Variants in SDC2 observed in about 807,000 individuals in gnomAD.
SDC2 encodes the protein syndecan 2.
A neutral mutation model predicts 22.2 loss-of-function variants in SDC2; 13 were observed. The observed-to-expected ratio is 0.59, with a 90% CI of 0.38 to 0.93. The LOEUF (loss-of-function observed/expected upper bound fraction) is 0.93, where lower values mean the gene tolerates loss of function less well. SDC2 is among the 40% of genes least tolerant of loss of function. SDC2 has a pLI of 0.00. For missense variants in SDC2, 235 were observed against 246.8 expected, an observed-to-expected ratio of 0.95 and a Z score of 0.32; for synonymous variants, 94 against 92.8, an observed-to-expected ratio of 1.01 and a Z score of -0.07.
intron 1 of SDC2, among the ~76,000 whole-genome samples, chr8:96,516,729 G>T (rs922555385): frequency 6.6e-6 from 1 of 152,158 alleles, no homozygotes; most frequent in Non-Finnish European, 1.5e-5. Flanking sequence ...TGTTTTCAAG[G>T]TTCATTCATG....
At chr8:96,569,393 G>A (rs2130578994) in intron 1 of SDC2, among the ~76,000 whole-genome samples, 1 of 152,224 alleles carries the variant, frequency 6.6e-6, no homozygotes, top group African/African-American at 2.4e-5. Flanking sequence ...TCTAGGTTAG[G>A]TTCTCTTACT....
rs142682784 is a variant in SDC2, at chr8:96,510,548, C to T, written c.60+16217C>T. ...TAAAAGGGTCTATCTTTAATTGACT[C>T]AGGGAACAAAACCTTGTTGAAGAAT... On this transcript the variant is annotated intron_variant, in intron 1 of 4. Coordinates refer to ENST00000302190, the MANE Select transcript of SDC2 (RefSeq NM_002998.4). Among the ~76,000 whole-genome samples, 11 of 152,294 alleles carry T rather than the reference C, an allele frequency of 7.2e-5. No homozygotes were observed. In the East Asian group the frequency reaches 2.1e-3, roughly 29 times the overall value.
intron 1 of SDC2, among the ~76,000 whole-genome samples, chr8:96,583,548 T>C (rs1186451413): frequency 7.9e-5 from 12 of 151,636 alleles, no homozygotes; most frequent in Admixed American, 7.2e-4. Context: ...AGCAACATTA[T>C]AGTGCCAAAA....
At chr8:96,606,977 A>G (rs778427085) in intron 3 of SDC2, among the ~76,000 whole-genome samples, 2 of 152,142 alleles carry the variant, frequency 1.3e-5, no homozygotes, top group Non-Finnish European at 2.9e-5. Context: ...GTGAGTGAGC[A>G]TTACCACCTG....
rs1225034584 is a variant in SDC2, at chr8:96,576,374, G to GTTTTTTTTTTTTTTTTT, written c.61-17102_61-17101insTTTTTTTTTTTTTTTTT. On this transcript the variant is annotated intron_variant, in intron 1 of 4. Transcript: ENST00000302190. The stretch of plus-strand genomic sequence containing the variant: ...GTTCAATAATTGGTAGTTTGTTTTT[G>GTTTTTTTTTTTTTTTTT]TTTTGTTTTGTTTTTTTTTACCAGA... Among the ~76,000 whole-genome samples, 50 of 40,614 alleles carry GTTTTTTTTTTTTTTTTT rather than the reference G, an allele frequency of 1.2e-3. 9 individuals are homozygous for GTTTTTTTTTTTTTTTTT. The highest frequency in any genetic ancestry group is 3.0e-3 in the African/African-American group (34 of 11,470). The allele number at this position is 40,614 out of a possible 152,430, so 26.6% of individuals were successfully genotyped here. A position where few individuals can be genotyped will look rare whatever the true frequency, so the allele number is the denominator to read the frequency against.
chr8:96,569,260 T>C (rs984323871), intron 1 of SDC2, among the ~76,000 whole-genome samples: 6 of 152,204 alleles, frequency 3.9e-5, no homozygotes, highest in Non-Finnish European at 8.8e-5. Flanking sequence ...CCTTCCACCT[T>C]GGCCTTCCAA....
At chr8:96,573,716 C>G (rs1814441011) in intron 1 of SDC2, among the ~76,000 whole-genome samples, 2 of 152,076 alleles carry the variant, frequency 1.3e-5, no homozygotes, top group South Asian at 2.1e-4. Context: ...TTGGATGGAT[C>G]ACACTGCCTC....
intron 1 of SDC2, among the ~76,000 whole-genome samples, chr8:96,565,180 G>T (rs1306210219): frequency 6.8e-6 from 1 of 146,162 alleles, no homozygotes. Flanking sequence ...CGCCTCCCGG[G>T]TTCAAGCAAT....
At chr8:96,504,053 G>A (rs1265014589) in intron 1 of SDC2, among the ~76,000 whole-genome samples, 7 of 152,168 alleles carry the variant, frequency 4.6e-5, no homozygotes, top group Admixed American at 4.6e-4. Flanking sequence ...AGCAATGCAG[G>A]TATTAACAGT....
intron 1 of SDC2, among the ~76,000 whole-genome samples, chr8:96,581,199 A>G (rs1190368175): frequency 1.3e-5 from 2 of 152,216 alleles, no homozygotes; most frequent in Admixed American, 6.5e-5. Context: ...AAAAATAATA[A>G]TATGTGTTCT....
At chr8:96,498,885 G>C (rs977230438) in intron 1 of SDC2, among the ~76,000 whole-genome samples, 1 of 152,206 alleles carries the variant, frequency 6.6e-6, no homozygotes, top group Non-Finnish European at 1.5e-5. Context: ...ATGCCAGCTT[G>C]TGCTTCTATG....
Position 96,606,760 on chromosome 8 carries a change from A to G in SDC2, c.307-1575A>G, listed in dbSNP as rs527742618. Among the ~76,000 whole-genome samples, 10 of 152,312 alleles carry G rather than the reference A, an allele frequency of 6.6e-5. No individual in the cohort carries two copies. In the East Asian group the frequency reaches 1.9e-3, roughly 29 times the overall value. Reference sequence around the variant, plus strand: ...TGATGGTGCTGAGAGTTAGAAAGGCAAGAGATAATTTCTGTGTAAATAATC... The same window carrying G: ...TGATGGTGCTGAGAGTTAGAAAGGCGAGAGATAATTTCTGTGTAAATAATC... On this transcript the variant is annotated intron_variant, in intron 3 of 4. Transcript: ENST00000302190.
chr8:96,554,345 G>A lies in SDC2; in HGVS notation c.61-39135G>A, dbSNP rs1303624583. ...TAAAATTTTGAGTTTTGTGAATACC[G>A]TTTTCTTCAGCAAAGCTCAAGTATT... On this transcript the variant is annotated intron_variant, in intron 1 of 4. Coordinates refer to ENST00000302190, the MANE Select transcript of SDC2 (RefSeq NM_002998.4). Among the ~76,000 whole-genome samples, 4 of 151,992 alleles carry A rather than the reference G, an allele frequency of 2.6e-5. No homozygotes were observed. In the South Asian group the frequency reaches 6.2e-4, roughly 24 times the overall value.
intron 2 of SDC2, among the ~76,000 whole-genome samples, chr8:96,601,379 C>T (rs1488824070): frequency 3.3e-5 from 5 of 152,036 alleles, no homozygotes; most frequent in African/African-American, 9.7e-5. Context: ...CGGTGGCTCA[C>T]GCCTGTAATC....
At position 96,598,315 on chromosome 8, in the gene SDC2, A is replaced by C. The variant is rs1292342617; in HGVS notation, c.173-4080A>C. ...ACATTCATACCATAAGTAAAAGAAA[A>C]TGTTATTTTTAAAAAAGAAAATAAG... is the stretch of plus-strand genomic sequence containing the variant. On this transcript the variant is annotated intron_variant, in intron 2 of 4. Coordinates refer to ENST00000302190, the MANE Select transcript of SDC2 (RefSeq NM_002998.4). Among the ~76,000 whole-genome samples, 2 of 152,158 alleles carry C rather than the reference A, an allele frequency of 1.3e-5. 1 individual carries two copies. Among genetic ancestry groups the C allele is most frequent in the South Asian group, 4.1e-4 (2 of 4,826 alleles).
intron 1 of SDC2, among the ~76,000 whole-genome samples, chr8:96,588,621 C>G (rs1417544010): frequency 6.6e-6 from 1 of 152,200 alleles, no homozygotes; most frequent in Non-Finnish European, 1.5e-5. Flanking sequence ...TATTAGGCCA[C>G]ATGGATATTT....
At chr8:96,516,519 T>C (rs1483755475) in intron 1 of SDC2, among the ~76,000 whole-genome samples, 1 of 152,060 alleles carries the variant, frequency 6.6e-6, no homozygotes, top group Non-Finnish European at 1.5e-5. Flanking sequence ...ACAATCTAAC[T>C]TGAGAATATT....
At chr8:96,521,679 G>T (rs1348675997) in intron 1 of SDC2, among the ~76,000 whole-genome samples, 4 of 152,186 alleles carry the variant, frequency 2.6e-5, no homozygotes. Context: ...TCTGTGTCGG[G>T]TATTGAGCAT....
chr8:96,602,434 C>A lies in SDC2; in HGVS notation c.212C>A (p.Ser71Tyr). 6.2e-7 allele frequency: 1 copy of A among 1,614,122 alleles called. No homozygotes were observed. The highest frequency in any genetic ancestry group is 1.1e-5 in the South Asian group (1 of 91,074). The part of the protein sequence containing the change: ...EDVESPELTT[S>Y]RPLPKILLTS... Reference sequence around the variant, plus strand: ...GTAGAGAGTCCAGAGCTGACAACATCTCGACCACTTCCAAAGATACTGTTG... The same window carrying A: ...GTAGAGAGTCCAGAGCTGACAACATATCGACCACTTCCAAAGATACTGTTG... Residue 71 changes from serine (S) to tyrosine (Y), a missense_variant, in exon 3 of 5, where the codon TCT becomes TAT. Ser to Tyr is a moderately radical substitution (Grantham distance 144, BLOSUM62 -2). Transcript: ENST00000302190.
Sources: allele counts gnomAD v4.1 joint callset (sites outside exome capture counted in the v4.1 genomes callset), GRCh38; gene constraint gnomAD v4.1.1; transcripts MANE v1.5; gene names NCBI Gene and HGNC (gene_info 2026-07-23, HGNC 2026-07-21).